Variants in DNAAF1 observed in about 807,000 individuals in gnomAD.
DNAAF1 encodes the protein dynein assembly factor 1, axonemal.
In DNAAF1, 65 loss-of-function variants were observed where a neutral mutation model predicts 71.1. The observed-to-expected ratio is 0.91, with a 90% CI of 0.75 to 1.12. DNAAF1 has a LOEUF of 1.12. DNAAF1 is among the 50% of genes most tolerant of loss of function. DNAAF1 has a pLI of 0.00. For missense variants in DNAAF1, 1,178 were observed against 899.8 expected (o/e 1.31, Z -3.96); for synonymous variants, 414 against 354.6 (o/e 1.17, Z -1.88).
intron 8 of DNAAF1, among the ~76,000 whole-genome samples, chr16:84,171,378 G>A (rs375342853): frequency 6.6e-6 from 1 of 152,060 alleles, no homozygotes; most frequent in African/African-American, 2.4e-5. Flanking sequence ...GAAGGGGATG[G>A]GAGGTCGAGG....
chr16:84,158,016 G>A (rs1182947874), intron 5 of DNAAF1, among the ~76,000 whole-genome samples: 1 of 152,038 alleles, frequency 6.6e-6, no homozygotes, highest in East Asian at 1.9e-4. Flanking sequence ...GACCTTCCTG[G>A]CTAACATGGT....
At position 84,145,358 on chromosome 16, in the gene DNAAF1, T is replaced by TGGCTG. The variant is rs886052365; in HGVS notation, c.-75_-71dup. 4 of 1,527,734 alleles carry TGGCTG rather than the reference T, an allele frequency of 2.6e-6. No homozygotes were observed. In the African/African-American group the frequency reaches 6.3e-5, roughly 24 times the overall value. 94.6% of individuals were successfully genotyped at this position (1,527,734 alleles called of 1,614,324 possible). ...GCGAAGAAGGAAAGAGGGTACTCTC[T>TGGCTG]GGCTGGGCTGGGGCCGTAGCGACGT... On this transcript the variant is annotated 5_prime_UTR_variant, in exon 1 of 12. Coordinates refer to ENST00000378553, the MANE Select transcript of DNAAF1 (RefSeq NM_178452.6).
intron 1 of DNAAF1, among the ~76,000 whole-genome samples, chr16:84,148,240 A>G (rs1391038433): frequency 2.0e-5 from 3 of 152,222 alleles, no homozygotes; most frequent in South Asian, 4.1e-4. Context: ...ATTGCTTTGC[A>G]TATTTTTAAT....
chr16:84,176,444 A>T (rs2088665724), intron 11 of DNAAF1, 145 bp downstream of exon 11: 6 of 1,281,752 alleles, frequency 4.7e-6, no homozygotes, highest in East Asian at 2.5e-5. Flanking sequence ...GATCCTCTGA[A>T]GGTCCCATTC....
Position 84,170,268 on chromosome 16 carries a change from G to T in DNAAF1, c.1440G>T (p.Lys480Asn). 1 of 1,609,964 alleles carries T rather than the reference G, an allele frequency of 6.2e-7. No homozygotes were observed. The highest frequency in any genetic ancestry group is 1.7e-5 in the Admixed American group (1 of 59,102). ...AETLLLSPPV[K>N]VKGEDGDREP... ...CCCTGCTACTGTCACCGCCTGTGAA[G>T]GTTAAAGGAGAGGATGGAGATCGAG... The change falls in exon 8 of 12, where the codon AAG becomes AAT. Residue 480 changes from lysine to asparagine, a missense_variant. By Grantham distance (94) the Lys-to-Asn change is moderately conservative. Transcript: ENST00000378553.
intron 1 of DNAAF1, among the ~76,000 whole-genome samples, chr16:84,146,459 G>A (rs2086915897): frequency 6.6e-6 from 1 of 152,164 alleles, no homozygotes; most frequent in Non-Finnish European, 1.5e-5. Context: ...GCTCACGCCT[G>A]TAATCCCAGC....
intron 1 of DNAAF1, among the ~76,000 whole-genome samples, chr16:84,147,589 G>C (rs1378416037): frequency 6.6e-6 from 1 of 151,870 alleles, no homozygotes; most frequent in African/African-American, 2.4e-5. Flanking sequence ...CTCCTGAGTA[G>C]CTGGGACTAC....
At chr16:84,158,419 T>C (rs2087544412) in intron 5 of DNAAF1, among the ~76,000 whole-genome samples, 1 of 152,138 alleles carries the variant, frequency 6.6e-6, no homozygotes, top group Non-Finnish European at 1.5e-5. Context: ...CCAGTCAGAT[T>C]GGATTACGGC....
At chr16:84,152,018 G>A (rs1476358123) in intron 3 of DNAAF1, among the ~76,000 whole-genome samples, 1 of 152,224 alleles carries the variant, frequency 6.6e-6, no homozygotes, top group Non-Finnish European at 1.5e-5. Context: ...CTAGGAGGGT[G>A]ATCCAGAGAG....
In DNAAF1 at chr16:84,164,940, T is replaced by A. The variant is rs551593434; in HGVS notation, c.864-843T>A. On this transcript the variant is annotated intron_variant, in intron 6 of 11. Transcript: ENST00000378553. ...CTCATTAGCGCAGCGTTGCCGTGTT[T>A]TGGATTTTAGCCATCTTGTAGCCAT... Among the ~76,000 whole-genome samples the A allele has an allele frequency of 6.3e-4, 96 of 152,328 alleles. 2 individuals carry two copies. Among genetic ancestry groups the A allele is most frequent in the African/African-American group, 2.1e-3 (88 of 41,570 alleles).
chr16:84,165,125 A>G (rs1186432570), intron 6 of DNAAF1, among the ~76,000 whole-genome samples: 1 of 152,112 alleles, frequency 6.6e-6, no homozygotes, highest in Non-Finnish European at 1.5e-5. Context: ...TTGAATTTCA[A>G]AAGTTCTTTG....
At chr16:84,154,848 T>A in intron 4 of DNAAF1, 50 bp downstream of exon 4, 1 of 1,398,598 alleles carries the variant, frequency 7.2e-7, no homozygotes, top group Non-Finnish European at 1.0e-6. Context: ...GTCCATCACC[T>A]TCCCCTGAGG....
intron 9 of DNAAF1, chr16:84,174,384 G>GT: frequency 7.5e-7 from 1 of 1,325,982 alleles, no homozygotes; most frequent in South Asian, 1.6e-5. Context: ...TGAACTGGCT[G>GT]TGTCTCTTAA....
chr16:84,159,656 T>C lies in DNAAF1; in HGVS notation c.742-19T>C. On this transcript the variant is annotated intron_variant, in intron 5 of 11. Transcript: ENST00000378553. ...CGCATCTTTCAGTAATCATTTTGGT[T>C]CTGCTTGTCTTCTTGCAGCGTGTAC... is the stretch of plus-strand genomic sequence containing the variant. 6.2e-7 allele frequency: 1 copy of C among 1,601,896 alleles called. No homozygotes were observed. The highest frequency in any genetic ancestry group is 8.5e-7 in the Non-Finnish European group (1 of 1,173,226).
chr16:84,155,842 C>G, intron 5 of DNAAF1, 93 bp downstream of exon 5: 2 of 1,445,378 alleles, frequency 1.4e-6, no homozygotes. Flanking sequence ...CTTTTCTCTC[C>G]TTCCTGCCTT....
At chr16:84,158,148 C>A (rs1014674514) in intron 5 of DNAAF1, among the ~76,000 whole-genome samples, 4 of 151,898 alleles carry the variant, frequency 2.6e-5, no homozygotes, top group African/African-American at 4.8e-5. Flanking sequence ...GAGCTTGCAG[C>A]GACCCGAGAT....
At chr16:84,150,808 T>A (rs1326325692) in intron 3 of DNAAF1, among the ~76,000 whole-genome samples, 3 of 152,080 alleles carry the variant, frequency 2.0e-5, no homozygotes, top group Non-Finnish European at 4.4e-5. Flanking sequence ...AAGGCGGGGT[T>A]TCGCCATGTT....
intron 9 of DNAAF1, 179 bp downstream of exon 9, chr16:84,172,554 G>A (rs2088420514): frequency 7.0e-6 from 10 of 1,435,906 alleles, no homozygotes; most frequent in Middle Eastern, 2.5e-4. Context: ...CAGGCCCACT[G>A]ATTAGAATCC....
intron 6 of DNAAF1, 98 bp from the exon 7 acceptor site, chr16:84,165,685 T>C: frequency 8.5e-7 from 1 of 1,170,796 alleles, no homozygotes; most frequent in East Asian, 2.3e-5. Context: ...TGTCTGATGC[T>C]CACTTTGCTT....
Sources: allele counts gnomAD v4.1 joint callset (sites outside exome capture counted in the v4.1 genomes callset), GRCh38; gene constraint gnomAD v4.1.1; transcripts MANE v1.5; gene names NCBI Gene and HGNC (gene_info 2026-07-23, HGNC 2026-07-21).